Variants in STAT1 observed in about 807,000 individuals in gnomAD.
STAT1 encodes the protein signal transducer and activator of transcription 1.
In STAT1, 24 loss-of-function variants were observed where a neutral mutation model predicts 111.7. The observed-to-expected ratio is 0.21, with a 90% CI of 0.16 to 0.30. The LOEUF is 0.30. Among genes scored for constraint, STAT1 ranks in the 10% least tolerant of loss-of-function variants. STAT1 has a pLI of 1.00. For missense variants in STAT1, 351 were observed against 911.9 expected, an observed-to-expected ratio of 0.38 and a Z score of 7.92; for synonymous variants, 332 against 326.5, an observed-to-expected ratio of 1.02 and a Z score of -0.18.
rs1411516931 is a variant in STAT1, at chr2:190,977,432, T to A, written c.1874-407A>T. The stretch of plus-strand genomic sequence containing the variant: ...AACTCACTTTGTTTTTCTTTTCATA[T>A]TGAAAAATCTAATTTTTTATTAAAA... On this transcript the variant is annotated intron_variant, in intron 21 of 24. Transcript: ENST00000361099. This position sits in a 1 kb window ranked among gnomAD's most constrained non-coding sequence, Gnocchi z 4.7. Among the ~76,000 whole-genome samples, 1 of 152,228 alleles carries A rather than the reference T, an allele frequency of 6.6e-6. No homozygotes were observed. Among genetic ancestry groups the A allele is most frequent in the African/African-American group, 2.4e-5 (1 of 41,468 alleles).
rs537855941 is a variant in STAT1, at chr2:191,000,562, C to T, written c.462+512G>A. ...AGGAGTAAATGCGCACCATCGAGGA[C>T]GCCAGAGCAGCCCTCTGCTTCCATA... On this transcript the variant is annotated intron_variant, in intron 6 of 24. Coordinates refer to ENST00000361099, the MANE Select transcript of STAT1 (RefSeq NM_007315.4). This position sits in a 1 kb window ranked among gnomAD's most constrained non-coding sequence, Gnocchi z 4.8. Among the ~76,000 whole-genome samples the T allele has an allele frequency of 2.4e-4, 36 of 152,336 alleles. No individual in the cohort carries two copies. Among genetic ancestry groups the T allele is most frequent in the African/African-American group, 6.7e-4 (28 of 41,574 alleles).
Position 190,970,623 on chromosome 2 carries a change from T to G in STAT1, c.*80A>C. On this transcript the variant is annotated 3_prime_UTR_variant, in exon 25 of 25. Coordinates refer to ENST00000361099, the MANE Select transcript of STAT1 (RefSeq NM_007315.4). The surrounding 1 kb of genome is among the most constrained non-coding windows in gnomAD (Gnocchi z 5.4). ...CTTTCATTTCCCTAGAAACACAGGA[T>G]GTGAAGGAACAGAGTAGCAGGAGGG... is the stretch of plus-strand genomic sequence containing the variant. The G allele has an allele frequency of 6.8e-7, 1 of 1,479,640 alleles. No homozygotes were observed. The highest frequency in any genetic ancestry group is 9.4e-7 in the Non-Finnish European group (1 of 1,058,866). The allele number at this position is 1,479,640 out of a possible 1,614,324, so 91.7% of individuals were successfully genotyped here.
rs1172125513 is a variant in STAT1, at chr2:191,006,425, CAAG to C, written c.372+1135_372+1137del. Reference sequence around the variant, plus strand: ...GTTCAGCAAGATGCTATCAGTGTGACAAGAAGATGGGAACTATACGCCTAGGGA... The same window carrying C: ...GTTCAGCAAGATGCTATCAGTGTGACAAGATGGGAACTATACGCCTAGGGA... On this transcript the variant is annotated intron_variant, in intron 5 of 24. Transcript: ENST00000361099. The surrounding 1 kb of genome is among the most constrained non-coding windows in gnomAD (Gnocchi z 4.6). 4.6e-5 allele frequency among the ~76,000 whole-genome samples: 7 copies of C among 152,308 alleles called. No individual in the cohort carries two copies. In the East Asian group the frequency reaches 9.6e-4, roughly 21 times the overall value.
intron 2 of STAT1, among the ~76,000 whole-genome samples, chr2:191,011,967 T>C (rs921128942): frequency 3.3e-5 from 5 of 151,318 alleles, no homozygotes; most frequent in African/African-American, 1.2e-4. Context: ...CTGAGGCTGG[T>C]CTCAAACACC....
intron 10 of STAT1, among the ~76,000 whole-genome samples, chr2:190,991,706 T>G (rs927439182): frequency 2.0e-5 from 3 of 151,906 alleles, no homozygotes; most frequent in Non-Finnish European, 2.9e-5. Flanking sequence ...AATTTGTTTT[T>G]TTTTTTTTAA....
In STAT1 at chr2:190,973,718, A is replaced by G. The variant is rs1246413568; in HGVS notation, c.2238+1112T>C. On this transcript the variant is annotated intron_variant, in intron 24 of 24. Transcript: ENST00000361099. This position sits in a 1 kb window ranked among gnomAD's most constrained non-coding sequence, Gnocchi z 4.4. ...TACACTTGCCAATAGGAATGAAACTATTTCGCTGCCACAATAGCTAACTGT... is the reference window on the plus strand; with the variant it reads ...TACACTTGCCAATAGGAATGAAACTGTTTCGCTGCCACAATAGCTAACTGT... Among the ~76,000 whole-genome samples, 1 of 152,188 alleles carries G rather than the reference A, an allele frequency of 6.6e-6. No homozygotes were observed. Among genetic ancestry groups the G allele is most frequent in the Non-Finnish European group, 1.5e-5 (1 of 68,034 alleles).
chr2:190,978,296 C>A lies in STAT1; in HGVS notation c.1873+560G>T, dbSNP rs1292072392. Among the ~76,000 whole-genome samples the A allele has an allele frequency of 1.3e-5, 2 of 152,138 alleles. No individual in the cohort carries two copies. The highest frequency in any genetic ancestry group is 3.8e-4 in the East Asian group (2 of 5,196). On this transcript the variant is annotated intron_variant, in intron 21 of 24. Coordinates refer to ENST00000361099, the MANE Select transcript of STAT1 (RefSeq NM_007315.4). This position sits in a 1 kb window ranked among gnomAD's most constrained non-coding sequence, Gnocchi z 6.1. Reference sequence around the variant, plus strand: ...CCCTCAGAAACCTGCTTCATAACACCAAGGTTTCTGGAGTCTTTTAGCCAT... The same window carrying A: ...CCCTCAGAAACCTGCTTCATAACACAAAGGTTTCTGGAGTCTTTTAGCCAT...
rs1691396156 is a variant in STAT1 at position 190,970,800 on chromosome 2, T to C, written c.2239-83A>G. 1 of 1,360,214 alleles carries C rather than the reference T, an allele frequency of 7.4e-7. No individual in the cohort carries two copies. Among genetic ancestry groups the C allele is most frequent in the South Asian group, 1.2e-5 (1 of 85,466 alleles). 84.3% of individuals were successfully genotyped at this position (1,360,214 alleles called of 1,614,324 possible). ...CATACATTAAACATTGCTTGTCTATTCTAGAATGAAGTAGTAGGAAGATAC... is the reference window on the plus strand; with the variant it reads ...CATACATTAAACATTGCTTGTCTATCCTAGAATGAAGTAGTAGGAAGATAC... On this transcript the variant is annotated intron_variant, in intron 24 of 24. Coordinates refer to ENST00000361099, the MANE Select transcript of STAT1 (RefSeq NM_007315.4). The surrounding 1 kb of genome is among the most constrained non-coding windows in gnomAD (Gnocchi z 5.4).
rs995579013 is a variant in STAT1, at chr2:190,993,300, C to G, written c.944+1761G>C. 13 of 673,608 alleles carry G rather than the reference C, an allele frequency of 1.9e-5. No homozygotes were observed. Among genetic ancestry groups the G allele is most frequent in the Non-Finnish European group, 3.6e-5 (13 of 360,182 alleles). The allele number at this position is 673,608 out of a possible 1,614,324, so 41.7% of individuals were successfully genotyped here. On this transcript the variant is annotated intron_variant, in intron 10 of 24. Transcript: ENST00000361099. The surrounding 1 kb of genome is among the most constrained non-coding windows in gnomAD (Gnocchi z 4.1). ...GACTCCTGATCTGTCACATCATACA[C>G]CACTAGGATGCCATTGGCTCCTCTG...
rs997620881 is a variant in STAT1 at position 191,003,578 on chromosome 2, T to G, written c.373-2415A>C. Among the ~76,000 whole-genome samples, 3 of 152,210 alleles carry G rather than the reference T, an allele frequency of 2.0e-5. No individual in the cohort carries two copies. The highest frequency in any genetic ancestry group is 7.2e-5 in the African/African-American group (3 of 41,460). ...GGTTAAGTGTGGAGCACCTCTCCCC[T>G]GCTTCCTCCTGCTCTGGCCATGTGA... On this transcript the variant is annotated intron_variant, in intron 5 of 24. Transcript: ENST00000361099. This position sits in a 1 kb window ranked among gnomAD's most constrained non-coding sequence, Gnocchi z 4.0.
intron 10 of STAT1, chr2:190,992,643 C>T: frequency 8.4e-7 from 1 of 1,192,936 alleles, no homozygotes; most frequent in Non-Finnish European, 1.1e-6. Flanking sequence ...CAAATTTTAG[C>T]AGGAACCTCC....
rs567728713 is a variant in STAT1 at position 190,984,749 on chromosome 2, G to A, written c.1264-356C>T. The stretch of plus-strand genomic sequence containing the variant: ...TGGGTGGGGAGAAGGTGAGAGGACT[G>A]GGAGTAAGTGCATACTTGTGATTGT... On this transcript the variant is annotated intron_variant, in intron 15 of 24. Transcript: ENST00000361099. The surrounding 1 kb of genome is among the most constrained non-coding windows in gnomAD (Gnocchi z 5.2). Among the ~76,000 whole-genome samples the A allele has an allele frequency of 1.4e-4, 22 of 152,236 alleles. No homozygotes were observed. The highest frequency in any genetic ancestry group is 3.2e-4 in the Non-Finnish European group (22 of 68,046).
chr2:190,979,607 G>A lies in STAT1; in HGVS notation c.1727+165C>T, dbSNP rs1000283375. Among the ~76,000 whole-genome samples the A allele has an allele frequency of 6.6e-6, 1 of 150,458 alleles. No individual in the cohort carries two copies. Reference sequence around the variant, plus strand: ...TGTACTAAGAAAGTGTAAGGTTAATGTTATGAGGTTCTACTCTTCTGAAGC... The same window carrying A: ...TGTACTAAGAAAGTGTAAGGTTAATATTATGAGGTTCTACTCTTCTGAAGC... On this transcript the variant is annotated intron_variant, in intron 20 of 24. Coordinates refer to ENST00000361099, the MANE Select transcript of STAT1 (RefSeq NM_007315.4). This position sits in a 1 kb window ranked among gnomAD's most constrained non-coding sequence, Gnocchi z 5.8.
chr2:190,976,745 G>T lies in STAT1; in HGVS notation c.2059+95C>A. On this transcript the variant is annotated intron_variant, in intron 22 of 24. Coordinates refer to ENST00000361099, the MANE Select transcript of STAT1 (RefSeq NM_007315.4). This position sits in a 1 kb window ranked among gnomAD's most constrained non-coding sequence, Gnocchi z 6.0. ...TTTGAAAGCCTACTCTTACCAATTC[G>T]AAAGCAAAACACTGCATGGGTGGAG... is the stretch of plus-strand genomic sequence containing the variant. The T allele has an allele frequency of 3.5e-6, 4 of 1,146,238 alleles. No homozygotes were observed. Among genetic ancestry groups the T allele is most frequent in the South Asian group, 1.3e-5 (1 of 79,260 alleles). The allele number at this position is 1,146,238 out of a possible 1,614,324, so 71.0% of individuals were successfully genotyped here.
intron 11 of STAT1, 29 bp downstream of exon 11, chr2:190,991,199 T>C (rs1693306785): frequency 6.2e-7 from 1 of 1,600,230 alleles, no homozygotes; most frequent in Non-Finnish European, 8.6e-7. Context: ...TGACAGGTGA[T>C]GTATGGGATG....
chr2:190,983,629 G>C lies in STAT1; in HGVS notation c.1446+13C>G, dbSNP rs369299035. The C allele has an allele frequency of 4.3e-6, 7 of 1,612,464 alleles. No homozygotes were observed. The highest frequency in any genetic ancestry group is 5.9e-6 in the Non-Finnish European group (7 of 1,178,504). ...GCTTAACCCTGGGACCAAAGCAAAT[G>C]TGTTTTCCATACCCTGGGTTCCGCC... On this transcript the variant is annotated intron_variant, in intron 17 of 24. Coordinates refer to ENST00000361099, the MANE Select transcript of STAT1 (RefSeq NM_007315.4). The surrounding 1 kb of genome is among the most constrained non-coding windows in gnomAD (Gnocchi z 5.7).
Position 190,990,134 on chromosome 2 carries a change from C to T in STAT1, c.1038-460G>A, listed in dbSNP as rs1043504931. Among the ~76,000 whole-genome samples the T allele has an allele frequency of 6.6e-6, 1 of 152,210 alleles. No homozygotes were observed. Among genetic ancestry groups the T allele is most frequent in the African/African-American group, 2.4e-5 (1 of 41,450 alleles). ...GAAAAAATAGCGTCCCATCTATAGTCACCCCAGGGTAGCATGGAAAGATGG... is the reference window on the plus strand; with the variant it reads ...GAAAAAATAGCGTCCCATCTATAGTTACCCCAGGGTAGCATGGAAAGATGG... On this transcript the variant is annotated intron_variant, in intron 11 of 24. Transcript: ENST00000361099. This position sits in a 1 kb window ranked among gnomAD's most constrained non-coding sequence, Gnocchi z 5.1.
chr2:191,006,242 G>C lies in STAT1; in HGVS notation c.372+1321C>G, dbSNP rs1321914321. Reference sequence around the variant, plus strand: ...AAACTGCCGGCTGAAAATCTCCCAGGTATATGCCAGGTTAGAGACAGGCAC... The same window carrying C: ...AAACTGCCGGCTGAAAATCTCCCAGCTATATGCCAGGTTAGAGACAGGCAC... On this transcript the variant is annotated intron_variant, in intron 5 of 24. Coordinates refer to ENST00000361099, the MANE Select transcript of STAT1 (RefSeq NM_007315.4). This position sits in a 1 kb window ranked among gnomAD's most constrained non-coding sequence, Gnocchi z 4.6. Among the ~76,000 whole-genome samples, 1 of 152,190 alleles carries C rather than the reference G, an allele frequency of 6.6e-6. No homozygotes were observed. Among genetic ancestry groups the C allele is most frequent in the African/African-American group, 2.4e-5 (1 of 41,444 alleles).
chr2:190,970,829 C>A lies in STAT1; in HGVS notation c.2239-112G>T. The A allele has an allele frequency of 9.7e-7, 1 of 1,031,672 alleles. No individual in the cohort carries two copies. The highest frequency in any genetic ancestry group is 1.3e-5 in the South Asian group (1 of 77,084). 63.9% of individuals were successfully genotyped at this position (1,031,672 alleles called of 1,614,324 possible). On this transcript the variant is annotated intron_variant, in intron 24 of 24. Coordinates refer to ENST00000361099, the MANE Select transcript of STAT1 (RefSeq NM_007315.4). The surrounding 1 kb of genome is among the most constrained non-coding windows in gnomAD (Gnocchi z 5.4). ...GAATGAAGTAGTAGGAAGATACTTG[C>A]AATGGCAAATAAATACCGTGGAATA...
Sources: allele counts gnomAD v4.1 joint callset (sites outside exome capture counted in the v4.1 genomes callset), GRCh38; gene constraint gnomAD v4.1.1; non-coding constraint Gnocchi (gnomAD v3.1); transcripts MANE v1.5; gene names NCBI Gene and HGNC (gene_info 2026-07-23, HGNC 2026-07-21).